The following CCDC144A variants were observed in gnomAD, a reference collection of about 807,000 sequenced individuals.
CCDC144A encodes coiled-coil domain-containing protein 144A.
A neutral mutation model predicts 143.8 loss-of-function variants in CCDC144A; 41 were observed. The ratio of observed to expected loss-of-function variants is 0.29; its 90% CI spans 0.22 to 0.37. The LOEUF (loss-of-function observed/expected upper bound fraction) is 0.37. Ranked by LOEUF, CCDC144A falls within the 10% of genes least tolerant of loss-of-function variation. CCDC144A has a pLI of 1.00. For missense variants in CCDC144A, 637 were observed against 1,488.8 expected (o/e 0.43, Z 9.41); for synonymous variants, 242 against 517.9 (o/e 0.47, Z 7.23).
chr17:16,737,860 C>G (rs1229754422), intron 12 of CCDC144A, among the ~76,000 whole-genome samples: 1 of 151,930 alleles, frequency 6.6e-6, no homozygotes, highest in East Asian at 1.9e-4. Context: ...CTGTCTTTTT[C>G]TCCTCATAAG....
chr17:16,678,134 C>G, the CCDC144A span, among the ~76,000 whole-genome samples: 1 of 151,940 alleles, frequency 6.6e-6, no homozygotes, highest in Non-Finnish European at 1.5e-5. Flanking sequence ...ACAAACCATT[C>G]ATAATTTATC....
chr17:16,693,316 G>T (rs1169911969), intron 2 of CCDC144A, among the ~76,000 whole-genome samples: 2 of 147,028 alleles, frequency 1.4e-5, no homozygotes, highest in Non-Finnish European at 3.0e-5. Flanking sequence ...AAGAAAAAGT[G>T]TTTTTTTTTG....
intron 12 of CCDC144A, chr17:16,746,285 T>G: frequency 2.4e-6 from 3 of 1,240,932 alleles, no homozygotes; most frequent in Non-Finnish European, 3.3e-6. Context: ...TTTTTTTTTT[T>G]TGCATCTTTC....
At position 16,720,503 on chromosome 17, in the gene CCDC144A, T is replaced by C; in HGVS notation, c.1750-14T>C. On this transcript the variant is annotated splice_polypyrimidine_tract_variant and intron_variant, in intron 7 of 16. Transcript: ENST00000399273. ...TTTCGAGGACATTTTGAAACAGTAT[T>C]ATTTATCTTATAGGTCAAAAACCAA... 6.3e-7 allele frequency: 1 copy of C among 1,596,592 alleles called. No homozygotes were observed. The highest frequency in any genetic ancestry group is 8.6e-7 in the Non-Finnish European group (1 of 1,169,518).
At chr17:16,766,285 A>G (rs1458100307) in intron 15 of CCDC144A, 1 of 152,226 alleles carries the variant, frequency 6.6e-6, no homozygotes, top group Non-Finnish European at 1.5e-5. Context: ...GCAGAGAGGT[A>G]ACTTTGAATA....
At chr17:16,768,553 A>G (rs1242440925) in intron 15 of CCDC144A, among the ~76,000 whole-genome samples, 2 of 152,256 alleles carry the variant, frequency 1.3e-5, no homozygotes, top group Non-Finnish European at 2.9e-5. Flanking sequence ...CATTGTAGTG[A>G]TAATAGATTG....
At chr17:16,754,679 A>G (rs1914989541) in intron 12 of CCDC144A, among the ~76,000 whole-genome samples, 2 of 152,386 alleles carry the variant, frequency 1.3e-5, no homozygotes, top group Admixed American at 1.3e-4. Flanking sequence ...TCTATGTGCT[A>G]ATGAGAAGAA....
At chr17:16,684,274 T>G in the CCDC144A span, 1 of 816,298 alleles carries the variant, frequency 1.2e-6, no homozygotes, top group Non-Finnish European at 2.2e-6. Context: ...TGTGACCAAA[T>G]AAGCTAAGTT....
intron 2 of CCDC144A, among the ~76,000 whole-genome samples, chr17:16,699,760 T>C (rs556428879): frequency 1.0e-3 from 158 of 151,262 alleles, no homozygotes; most frequent in African/African-American, 3.6e-3. Flanking sequence ...ACTTTTATAC[T>C]GTAGAATATA....
chr17:16,764,326 A>G, intron 15 of CCDC144A, 151 bp downstream of exon 15: 1 of 1,462,756 alleles, frequency 6.8e-7, no homozygotes, highest in South Asian at 1.4e-5. Flanking sequence ...TTTTACCGTT[A>G]TTTTTAAGTC....
the CCDC144A span, chr17:16,683,891 G>A: frequency 1.0e-5 from 14 of 1,347,646 alleles, no homozygotes; most frequent in Admixed American, 5.0e-5. Context: ...CTACGCTGAT[G>A]GCTGCTGCTC....
At chr17:16,746,271 C>CTTTTTTTTTTTTTTTTTCTTTTT in intron 12 of CCDC144A, 1 of 778,988 alleles carries the variant, frequency 1.3e-6, no homozygotes. Flanking sequence ...CTCTCTCTCT[C>CTTTTTTTTTTTTTTTTTCTTTTT]TTTTTTTTTT....
chr17:16,682,343 G>A, the CCDC144A span, among the ~76,000 whole-genome samples: 14 of 151,928 alleles, frequency 9.2e-5, no homozygotes, highest in African/African-American at 3.4e-4. Context: ...AATGGGAGTT[G>A]CCATTAAACA....
At chr17:16,719,557 G>A (rs1912967676) in intron 6 of CCDC144A, among the ~76,000 whole-genome samples, 1 of 152,132 alleles carries the variant, frequency 6.6e-6, no homozygotes, top group South Asian at 2.1e-4. Flanking sequence ...TTTGAGTTCT[G>A]GGTCTGCTAC....
In CCDC144A at chr17:16,776,901, A is replaced by T. The variant is rs1327683886; in HGVS notation, c.*3268A>T. 1 of 150,974 alleles carries T rather than the reference A, an allele frequency of 6.6e-6. No homozygotes were observed. Among genetic ancestry groups the T allele is most frequent in the Non-Finnish European group, 1.5e-5 (1 of 67,876 alleles). The allele number at this position is 150,974 out of a possible 1,614,324, so 9.4% of individuals were successfully genotyped here. A position where few individuals can be genotyped will look rare whatever the true frequency, so the allele number is the denominator to read the frequency against. ...AAATGGCCTAAATGCTCCACTTAAA[A>T]GATATAGAATGGCAGAATGGGTAAG... On this transcript the variant is annotated 3_prime_UTR_variant, in exon 17 of 17. Transcript: ENST00000399273.
the CCDC144A span, among the ~76,000 whole-genome samples, chr17:16,679,987 T>C: frequency 6.6e-6 from 1 of 152,296 alleles, no homozygotes; most frequent in African/African-American, 2.4e-5. Flanking sequence ...ATATTTATTT[T>C]TTTTAAACTT....
chr17:16,734,812 G>T lies in CCDC144A; in HGVS notation c.2541G>T (p.Lys847Asn), dbSNP rs765016740. 2.2e-5 allele frequency: 34 copies of T among 1,550,566 alleles called. No individual in the cohort carries two copies. The East Asian group carries it at 4.2e-4, about 19-fold the overall frequency. The change falls in exon 12 of 17, where the codon AAG (lysine) becomes AAT (asparagine). Residue 847 changes from lysine (K) to asparagine (N), a missense_variant. By Grantham distance (94) the Lys-to-Asn change is moderately conservative (BLOSUM62 0). Transcript: ENST00000399273. ...TIKNQNKQKEKKYFEDIEAVK... is the reference protein window; with the variant it reads ...TIKNQNKQKENKYFEDIEAVK... The stretch of plus-strand genomic sequence containing the variant: ...AAAATCAGAACAAGCAAAAGGAAAA[G>T]AAATATTTTGAGGACATTGAGGCTG...
chr17:16,684,453 A>G, the CCDC144A span, among the ~76,000 whole-genome samples: 3 of 152,108 alleles, frequency 2.0e-5, no homozygotes, highest in South Asian at 6.2e-4. Flanking sequence ...CAGGAGTTCA[A>G]GACCAGCCTG....
chr17:16,740,479 C>A (rs1410241571), intron 12 of CCDC144A, among the ~76,000 whole-genome samples: 2 of 152,152 alleles, frequency 1.3e-5, no homozygotes, highest in Non-Finnish European at 2.9e-5. Context: ...TTATCAGAAA[C>A]AAATGGTTGA....
Sources: gnomAD v4.1 joint callset for allele counts (sites outside exome capture counted in the v4.1 genomes callset) on GRCh38, gnomAD v4.1.1 for gene constraint, MANE v1.5 for transcripts, NCBI Gene and HGNC (gene_info 2026-07-23, HGNC 2026-07-21) for gene names.